The following ADGRL4 variants were observed in gnomAD, a reference collection of about 807,000 sequenced individuals.
ADGRL4 encodes the protein EGF, latrophilin and seven transmembrane domain containing 1.
ADGRL4 carries 90 observed loss-of-function variants against 74.8 expected under a neutral mutation model. That is an observed-to-expected ratio of 1.20 (90% CI 1.02 to 1.43). ADGRL4 has a LOEUF of 1.43. ADGRL4 is among the 40% of genes most tolerant of loss of function. The pLI, the probability that ADGRL4 is intolerant of heterozygous loss-of-function variation, is 0.00. For synonymous variants in ADGRL4, 311 were observed against 279.2 expected, an observed-to-expected ratio of 1.11 and a Z score of -1.14; for missense variants, 881 against 814.3, an observed-to-expected ratio of 1.08 and a Z score of -1.00.
At chr1:78,972,176 C>T (rs1474911767) in intron 2 of ADGRL4, among the ~76,000 whole-genome samples, 1 of 152,102 alleles carries the variant, frequency 6.6e-6, no homozygotes, top group Non-Finnish European at 1.5e-5. Context: ...AATAATTATC[C>T]TTCATTTGCT....
intron 2 of ADGRL4, among the ~76,000 whole-genome samples, chr1:78,961,983 C>T (rs574883234): frequency 4.6e-5 from 7 of 151,650 alleles, no homozygotes; most frequent in Admixed American, 1.3e-4. Flanking sequence ...CAGGTTCAAA[C>T]GATTCTCCTG....
chr1:78,986,794 G>T (rs1256102247), intron 2 of ADGRL4, among the ~76,000 whole-genome samples: 2 of 151,358 alleles, frequency 1.3e-5, no homozygotes, highest in Non-Finnish European at 3.0e-5. Context: ...GAGTAGCTGG[G>T]GTCCTATTTG....
At chr1:78,955,950 G>A (rs1048674550) in intron 2 of ADGRL4, among the ~76,000 whole-genome samples, 5 of 151,966 alleles carry the variant, frequency 3.3e-5, no homozygotes, top group Non-Finnish European at 7.4e-5. Flanking sequence ...CAAATACATT[G>A]TACTTTCTTT....
chr1:78,968,503 TG>T lies in ADGRL4; in HGVS notation c.173-22078del, dbSNP rs1048218796. Among the ~76,000 whole-genome samples the T allele has an allele frequency of 5.1e-5, 5 of 97,742 alleles. 1 individual carries two copies. The highest frequency in any genetic ancestry group is 9.4e-3 in the Middle Eastern group (2 of 212). The allele number at this position is 97,742 out of a possible 152,430, so 64.1% of individuals were successfully genotyped here. A position where few individuals can be genotyped will look rare whatever the true frequency, so the allele number is the denominator to read the frequency against. On this transcript the variant is annotated intron_variant, in intron 2 of 14. Transcript: ENST00000370742. ...CGCTCTCTACTGGGGTGGAGGGCGG[TG>T]GGGGGGTGGGGGGGAGACGGGGGTC...
chr1:78,928,634 C>T (rs1035758842), intron 7 of ADGRL4, among the ~76,000 whole-genome samples: 1 of 151,400 alleles, frequency 6.6e-6, no homozygotes, highest in Non-Finnish European at 1.5e-5. Flanking sequence ...AGATAGCCTT[C>T]AATTTAATTG....
chr1:78,949,037 A>C (rs1649669450), intron 2 of ADGRL4, among the ~76,000 whole-genome samples: 3 of 152,084 alleles, frequency 2.0e-5, no homozygotes, highest in Admixed American at 1.3e-4. Flanking sequence ...TACTGGGAGA[A>C]GTTTATATTA....
chr1:78,945,198 C>G (rs919414035), intron 3 of ADGRL4, among the ~76,000 whole-genome samples: 4 of 130,420 alleles, frequency 3.1e-5, no homozygotes, highest in African/African-American at 1.1e-4. Context: ...ATATATATAT[C>G]TCAATAGGGC....
intron 2 of ADGRL4, among the ~76,000 whole-genome samples, chr1:78,953,753 A>AT (rs1182987375): frequency 2.0e-5 from 3 of 152,342 alleles, no homozygotes; most frequent in East Asian, 3.9e-4. Flanking sequence ...AAGCTCTGCA[A>AT]TACATAAATT....
chr1:78,962,351 T>G (rs1649971876), intron 2 of ADGRL4, among the ~76,000 whole-genome samples: 1 of 152,168 alleles, frequency 6.6e-6, no homozygotes, highest in Non-Finnish European at 1.5e-5. Flanking sequence ...GCAATCTAAC[T>G]CAATAGCTAC....
At chr1:79,004,042 A>G (rs1650907333) in intron 2 of ADGRL4, among the ~76,000 whole-genome samples, 1 of 152,116 alleles carries the variant, frequency 6.6e-6, no homozygotes, top group African/African-American at 2.4e-5. Context: ...CTTACTAAAC[A>G]CGGCATATTT....
intron 12 of ADGRL4, among the ~76,000 whole-genome samples, chr1:78,894,379 T>C (rs1648349780): frequency 6.6e-6 from 1 of 151,886 alleles, no homozygotes; most frequent in Non-Finnish European, 1.5e-5. Context: ...CAAATGTCCA[T>C]TACTTCTAAT....
intron 2 of ADGRL4, among the ~76,000 whole-genome samples, chr1:78,958,368 G>A (rs900406201): frequency 1.3e-5 from 2 of 152,096 alleles, no homozygotes; most frequent in African/African-American, 2.4e-5. Context: ...TGAAACTCTG[G>A]AAATGATTCA....
chr1:78,920,441 GGAA>G (rs1213184571), intron 9 of ADGRL4, 55 bp from the exon 10 acceptor site: 1 of 1,091,792 alleles, frequency 9.2e-7, no homozygotes, highest in African/African-American at 1.6e-5. Context: ...AGTTGTCAAA[GGAA>G]CTACAACATA....
intron 12 of ADGRL4, among the ~76,000 whole-genome samples, chr1:78,917,279 T>C (rs1307490916): frequency 1.3e-5 from 2 of 151,730 alleles, no homozygotes; most frequent in South Asian, 2.1e-4. Context: ...GTATTACTGA[T>C]AAGCAAAAAA....
chr1:79,004,158 A>G (rs1650910023), intron 2 of ADGRL4, among the ~76,000 whole-genome samples: 1 of 152,166 alleles, frequency 6.6e-6, no homozygotes, highest in African/African-American at 2.4e-5. Flanking sequence ...GCTTAATTAG[A>G]AAAAGTTCAT....
chr1:78,927,048 A>T lies in ADGRL4; in HGVS notation c.921T>A (p.Pro307=), dbSNP rs1191675579. The T allele has an allele frequency of 3.7e-6, 6 of 1,607,420 alleles. No individual in the cohort carries two copies. The highest frequency in any genetic ancestry group is 5.1e-6 in the Non-Finnish European group (6 of 1,175,166). Residue 307 remains proline, a synonymous_variant, in exon 8 of 15, where the codon CCT becomes CCA. Coordinates refer to ENST00000370742, the MANE Select transcript of ADGRL4 (RefSeq NM_022159.4). ...VAFVYYKSIG[P]LLSSSDNFLL... is the part of the protein sequence containing the mutation. Reference sequence around the variant, plus strand: ...AGAAGTTGTCAGATGATGAAAGCAAAGGACCAATACTCTTATAATATACAA... The same window carrying T: ...AGAAGTTGTCAGATGATGAAAGCAATGGACCAATACTCTTATAATATACAA...
chr1:78,955,550 C>T (rs1478278254), intron 2 of ADGRL4, among the ~76,000 whole-genome samples: 1 of 151,654 alleles, frequency 6.6e-6, no homozygotes, highest in Non-Finnish European at 1.5e-5. Flanking sequence ...TTTGTATTGC[C>T]TTTGTTTTTT....
rs913888526 is a variant in ADGRL4, at chr1:78,917,497, T to C, written c.1749+137A>G. ...ACATGTATTTTTTAATTATAGTATA[T>C]GTAAAATGCTGATAAGTGATATACT... On this transcript the variant is annotated intron_variant, in intron 12 of 14. Transcript: ENST00000370742. 28 of 439,416 alleles carry C rather than the reference T, an allele frequency of 6.4e-5. No individual in the cohort carries two copies. In the Admixed American group the frequency reaches 7.6e-4, roughly 12 times the overall value. 27.2% of individuals were successfully genotyped at this position (439,416 alleles called of 1,614,324 possible).
chr1:78,893,317 C>T, intron 12 of ADGRL4, 128 bp from the exon 13 acceptor site: 5 of 648,410 alleles, frequency 7.7e-6, no homozygotes, highest in Non-Finnish European at 1.3e-5. Context: ...TAGTTCTTTA[C>T]AATATCACTG....
Sources: gnomAD v4.1 joint callset for allele counts (sites outside exome capture counted in the v4.1 genomes callset) on GRCh38, gnomAD v4.1.1 for gene constraint, MANE v1.5 for transcripts, NCBI Gene and HGNC (gene_info 2026-07-23, HGNC 2026-07-21) for gene names.